Variants in EXOC6B observed in about 807,000 individuals in gnomAD.
EXOC6B encodes the protein SEC15 homolog B.
In EXOC6B, 54 loss-of-function variants were observed where a neutral mutation model predicts 113.5. The observed-to-expected ratio is 0.48, with a 90% confidence interval of 0.38 to 0.60. The LOEUF (loss-of-function observed/expected upper bound fraction) is 0.60, where lower values mean the gene tolerates loss of function less well. Ranked by LOEUF, EXOC6B falls within the 20% of genes least tolerant of loss-of-function variation. The pLI is 0.00. For synonymous variants in EXOC6B, 357 were observed against 339.0 expected, an observed-to-expected ratio of 1.05 and a Z score of -0.58; for missense variants, 797 against 977.5, an observed-to-expected ratio of 0.82 and a Z score of 2.46.
chr2:72,625,153 T>C (rs1671978483), intron 6 of EXOC6B, among the ~76,000 whole-genome samples: 1 of 151,674 alleles, frequency 6.6e-6, no homozygotes, highest in Middle Eastern at 3.4e-3. Flanking sequence ...TAGCGTCAGG[T>C]AATCCTCCCA....
chr2:72,783,582 A>G (rs773505394), intron 1 of EXOC6B, among the ~76,000 whole-genome samples: 104 of 152,008 alleles, frequency 6.8e-4, no homozygotes, highest in African/African-American at 2.3e-3. Flanking sequence ...TCAGCCTCCC[A>G]AAGTGCTGAG....
intron 20 of EXOC6B, among the ~76,000 whole-genome samples, chr2:72,262,511 C>G (rs531776809): frequency 6.6e-6 from 1 of 152,278 alleles, no homozygotes; most frequent in African/African-American, 2.4e-5. Context: ...CATCTAATCT[C>G]TGAAGAAATT....
intron 20 of EXOC6B, among the ~76,000 whole-genome samples, chr2:72,303,345 G>A (rs1020443710): frequency 1.3e-5 from 2 of 151,960 alleles, no homozygotes; most frequent in African/African-American, 2.4e-5. Flanking sequence ...AAGTTGTTTC[G>A]TTTCTTCCCA....
At position 72,341,725 on chromosome 2, in the gene EXOC6B, A is replaced by G. The variant is rs144322474; in HGVS notation, c.2123-6705T>C. Among the ~76,000 whole-genome samples, 1,498 of 152,254 alleles carry G rather than the reference A, an allele frequency of 9.8e-3. 9 individuals are homozygous for G. The highest frequency in any genetic ancestry group is 0.015 in the Non-Finnish European group (1,043 of 68,000). ...CAATAAGAAAACATCAGACTTGAAC[A>G]ACACTATAAACCAAATGAGCCTACC... is the stretch of plus-strand genomic sequence containing the variant. On this transcript the variant is annotated intron_variant, in intron 19 of 21. Transcript: ENST00000272427.
At chr2:72,582,172 T>TA (rs1425841313) in intron 6 of EXOC6B, among the ~76,000 whole-genome samples, 8 of 151,850 alleles carry the variant, frequency 5.3e-5, no homozygotes, top group African/African-American at 1.7e-4. Flanking sequence ...GAAATATATA[T>TA]ATATGGGCAA....
In EXOC6B at chr2:72,437,939, C is replaced by T. The variant is rs572744130; in HGVS notation, c.1980+27221G>A. On this transcript the variant is annotated intron_variant, in intron 18 of 21. Coordinates refer to ENST00000272427, the MANE Select transcript of EXOC6B (RefSeq NM_015189.3). ...TTTTAGGACAGCTGGACTACTAATG[C>T]AATTTATGTGATTAAATTTGCAATA... is the stretch of plus-strand genomic sequence containing the variant. 3.9e-5 allele frequency among the ~76,000 whole-genome samples: 6 copies of T among 152,066 alleles called. No individual in the cohort carries two copies. In the South Asian group the frequency reaches 1.2e-3, roughly 32 times the overall value.
rs140472081 is a variant in EXOC6B, at chr2:72,233,955, A to G, written c.2197-49768T>C. On this transcript the variant is annotated intron_variant, in intron 20 of 21. Coordinates refer to ENST00000272427, the MANE Select transcript of EXOC6B (RefSeq NM_015189.3). ...GGCTGTGGCCTTCTGCTGTCCCAGG[A>G]AGCACTCGGATGGTAAGGCGTGTGC... Among the ~76,000 whole-genome samples, 67 of 151,542 alleles carry G rather than the reference A, an allele frequency of 4.4e-4. 1 individual carries two copies. The East Asian group carries it at 0.011, about 26-fold the overall frequency.
At chr2:72,459,418 C>T (rs1353291715) in intron 18 of EXOC6B, among the ~76,000 whole-genome samples, 3 of 152,064 alleles carry the variant, frequency 2.0e-5, no homozygotes, top group African/African-American at 7.2e-5. Context: ...TCAAATTGTC[C>T]CTGTTTGAAG....
chr2:72,555,961 T>C (rs962361622), intron 8 of EXOC6B, among the ~76,000 whole-genome samples: 4 of 152,122 alleles, frequency 2.6e-5, no homozygotes, highest in African/African-American at 9.7e-5. Context: ...CAGTGTTCTT[T>C]ATAGCAGTGT....
At chr2:72,264,062 C>G (rs1683897930) in intron 20 of EXOC6B, among the ~76,000 whole-genome samples, 1 of 152,068 alleles carries the variant, frequency 6.6e-6, no homozygotes, top group African/African-American at 2.4e-5. Context: ...GGGACTACAC[C>G]TAAGTGTATA....
intron 8 of EXOC6B, among the ~76,000 whole-genome samples, chr2:72,539,948 T>G (rs1429712590): frequency 1.5e-5 from 1 of 68,064 alleles, no homozygotes; most frequent in African/African-American, 6.0e-5. Flanking sequence ...CCCTCCCCCC[T>G]CCCCCCACCC....
At chr2:72,223,402 C>T (rs1244839727) in intron 20 of EXOC6B, among the ~76,000 whole-genome samples, 1 of 152,104 alleles carries the variant, frequency 6.6e-6, no homozygotes, top group Non-Finnish European at 1.5e-5. Context: ...ATTTCAGGCT[C>T]TCCCTAGACA....
intron 20 of EXOC6B, among the ~76,000 whole-genome samples, chr2:72,326,702 A>G (rs1480839907): frequency 6.6e-6 from 1 of 152,000 alleles, no homozygotes; most frequent in African/African-American, 2.4e-5. Flanking sequence ...ACAGTTCTGT[A>G]AAAGGTCATT....
intron 19 of EXOC6B, among the ~76,000 whole-genome samples, chr2:72,355,667 C>T (rs6707920): frequency 0.21 from 32,523 of 152,156 alleles, 6,619 homozygotes; most frequent in African/African-American, 0.54. Context: ...TGACTTAATG[C>T]TTCTCAGATG....
chr2:72,520,101 ACTGT>A (rs1701410208), intron 8 of EXOC6B, among the ~76,000 whole-genome samples: 1 of 152,202 alleles, frequency 6.6e-6, no homozygotes, highest in East Asian at 1.9e-4. Context: ...GATATTGTTT[ACTGT>A]CTGTCTCCTC....
At chr2:72,611,333 C>A in intron 6 of EXOC6B, among the ~76,000 whole-genome samples, 1 of 150,154 alleles carries the variant, frequency 6.7e-6, no homozygotes. Flanking sequence ...ACTCCAGTCC[C>A]AGGAAAAGAG....
chr2:72,685,366 A>T (rs1316493612), intron 6 of EXOC6B, among the ~76,000 whole-genome samples: 1 of 152,166 alleles, frequency 6.6e-6, no homozygotes, highest in Non-Finnish European at 1.5e-5. Flanking sequence ...AGCAGTAGGC[A>T]GGCGTATTCT....
At position 72,608,008 on chromosome 2, in the gene EXOC6B, T is replaced by C. The variant is rs145936325; in HGVS notation, c.670-32340A>G. Among the ~76,000 whole-genome samples the C allele has an allele frequency of 1.6e-3, 237 of 152,134 alleles. 1 individual carries two copies. Among genetic ancestry groups the C allele is most frequent in the African/African-American group, 5.5e-3 (229 of 41,526 alleles). On this transcript the variant is annotated intron_variant, in intron 6 of 21. Transcript: ENST00000272427. ...GAAGGTAGGATTGTTTTACATAAAT[T>C]CAGCAAATATGAAAGAAGGCAATAA...
intron 5 of EXOC6B, among the ~76,000 whole-genome samples, chr2:72,730,349 C>G (rs1680556409): frequency 6.6e-6 from 1 of 152,054 alleles, no homozygotes; most frequent in Non-Finnish European, 1.5e-5. Flanking sequence ...TGTGAGTAGG[C>G]CTCATTCCAC....
Sources: allele counts gnomAD v4.1 joint callset (sites outside exome capture counted in the v4.1 genomes callset), GRCh38; gene constraint gnomAD v4.1.1; transcripts MANE v1.5; gene names NCBI Gene and HGNC (gene_info 2026-07-23, HGNC 2026-07-21).